The following UNC119 variants were observed in gnomAD, a reference collection of about 807,000 sequenced individuals.
The protein encoded by UNC119 is unc-119 lipid binding chaperone, also known as protein unc-119 homolog A.
In UNC119, 15 loss-of-function variants were observed where a neutral mutation model predicts 22.6. The ratio of observed to expected loss-of-function variants is 0.66; its 90% CI spans 0.44 to 1.02. The LOEUF (loss-of-function observed/expected upper bound fraction) is 1.02, where lower values mean the gene tolerates loss of function less well. UNC119 is among the 50% of genes least tolerant of loss of function. The pLI, the probability that UNC119 is intolerant of heterozygous loss-of-function variation, is 0.00. For synonymous variants in UNC119, 138 were observed against 139.4 expected, an observed-to-expected ratio of 0.99 and a Z score of 0.07; for missense variants, 322 against 336.0, an observed-to-expected ratio of 0.96 and a Z score of 0.33.
intron 2 of UNC119, 195 bp from the exon 3 acceptor site, chr17:28,548,296 G>C: frequency 1.6e-6 from 1 of 635,370 alleles, no homozygotes. Flanking sequence ...AATCGCCACT[G>C]TGCTTCCCCG....
At position 28,547,427 on chromosome 17, in the gene UNC119, C is replaced by G; in HGVS notation, c.611-18G>C. 6.2e-7 allele frequency: 1 copy of G among 1,613,670 alleles called. No homozygotes were observed. Among genetic ancestry groups the G allele is most frequent in the Non-Finnish European group, 8.5e-7 (1 of 1,179,738 alleles). On this transcript the variant is annotated intron_variant, in intron 4 of 4. Coordinates refer to ENST00000335765, the MANE Select transcript of UNC119 (RefSeq NM_005148.4). ...CTCGCTGACTGCAAGAGAGGCCCAG[C>G]CAGGCCGGGCAAAGGTCAGGAGCTT... is the stretch of plus-strand genomic sequence containing the variant.
In UNC119 at chr17:28,548,575, C is replaced by T; in HGVS notation, c.334+17G>A. The T allele has an allele frequency of 6.2e-7, 1 of 1,607,788 alleles. No individual in the cohort carries two copies. ...TCCTATCTGCCTCCCCATCAATGGC[C>T]CACCCAGCCCACTCACCTGAGACTG... On this transcript the variant is annotated intron_variant, in intron 2 of 4. Transcript: ENST00000335765.
chr17:28,552,210 G>A, intron 1 of UNC119, 128 bp downstream of exon 1: 1 of 873,594 alleles, frequency 1.1e-6, no homozygotes, highest in Non-Finnish European at 1.8e-6. Context: ...AGGGGACACA[G>A]GAGAGGGGAC....
chr17:28,547,883 C>A (rs374115959), intron 3 of UNC119, 34 bp from the exon 4 acceptor site: 6 of 1,613,002 alleles, frequency 3.7e-6, no homozygotes, highest in Non-Finnish European at 5.1e-6. Context: ...CTAAGTCTGT[C>A]CTTGAAGTCA....
chr17:28,547,027 T>C lies in UNC119; in HGVS notation c.*270A>G, dbSNP rs2070211657. ...TGGGCCCAAGTAGGGCCCAGCTAAGTTGTCCGGAAGTCCTGACTGCTCCTC... is the reference window on the plus strand; with the variant it reads ...TGGGCCCAAGTAGGGCCCAGCTAAGCTGTCCGGAAGTCCTGACTGCTCCTC... On this transcript the variant is annotated 3_prime_UTR_variant, in exon 5 of 5. Transcript: ENST00000335765. 3 of 447,524 alleles carry C rather than the reference T, an allele frequency of 6.7e-6. No individual in the cohort carries two copies. In the East Asian group the frequency reaches 1.4e-4, roughly 20 times the overall value. The allele number at this position is 447,524 out of a possible 1,614,324, so 27.7% of individuals were successfully genotyped here.
rs748275791 is a variant in UNC119 at position 28,547,695 on chromosome 17, G to T, written c.592C>A (p.Pro198Thr). ...NTCEHIYDFP[P>T]LSEELISEMI... Reference sequence around the variant, plus strand: ...CGCGCACTCAGCTCCTCGGAGAGAGGGGGGAAGTCGTAAATGTGCTCGCAG... The same window carrying T: ...CGCGCACTCAGCTCCTCGGAGAGAGTGGGGAAGTCGTAAATGTGCTCGCAG... Residue 198 changes from proline to threonine, a missense_variant, in exon 4 of 5, where the codon CCT (proline) becomes ACT (threonine). Physicochemically the swap from Pro to Thr is conservative, Grantham distance 38. Transcript: ENST00000335765. 3 of 1,614,096 alleles carry T rather than the reference G, an allele frequency of 1.9e-6. No individual in the cohort carries two copies. In the East Asian group the frequency reaches 6.7e-5, roughly 36 times the overall value.
intron 1 of UNC119, chr17:28,550,607 G>C (rs2151508930): frequency 6.6e-6 from 1 of 152,418 alleles, no homozygotes; most frequent in Non-Finnish European, 1.5e-5. Context: ...TCCTAAGCTG[G>C]ATTCAGGGCC....
At position 28,547,691 on chromosome 17, in the gene UNC119, A is replaced by T; in HGVS notation, c.596T>A (p.Leu199His). The T allele has an allele frequency of 6.2e-7, 1 of 1,614,052 alleles. No individual in the cohort carries two copies. Among genetic ancestry groups the T allele is most frequent in the South Asian group, 1.1e-5 (1 of 91,084 alleles). The stretch of plus-strand genomic sequence containing the variant: ...TGCCCGCGCACTCAGCTCCTCGGAG[A>T]GAGGGGGGAAGTCGTAAATGTGCTC... ...TCEHIYDFPPLSEELISEMIR... is the reference protein window; with the variant it reads ...TCEHIYDFPPHSEELISEMIR... The change falls in exon 4 of 5, where the codon CTC becomes CAC. Residue 199 changes from leucine (L) to histidine (H), a missense_variant. Transcript: ENST00000335765.
At chr17:28,551,082 A>T (rs2070264000) in intron 1 of UNC119, 2 of 152,170 alleles carry the variant, frequency 1.3e-5, no homozygotes, top group African/African-American at 4.8e-5. Context: ...GGAGAGAGGA[A>T]TTGGCCCCCA....
intron 1 of UNC119, chr17:28,551,265 T>A (rs2070266510): frequency 6.6e-6 from 1 of 151,826 alleles, no homozygotes; most frequent in Non-Finnish European, 1.5e-5. Context: ...CAGGGCAGGT[T>A]GCTGGTGAAT....
intron 2 of UNC119, 57 bp from the exon 3 acceptor site, chr17:28,548,158 AG>A (rs1012093064): frequency 7.2e-6 from 11 of 1,537,732 alleles, no homozygotes; most frequent in Middle Eastern, 1.7e-4. Context: ...TTGTCCACCC[AG>A]GGTTCTACCC....
intron 1 of UNC119, 97 bp from the exon 2 acceptor site, chr17:28,548,802 C>A (rs1049881570): frequency 5.1e-5 from 48 of 945,076 alleles, no homozygotes; most frequent in Non-Finnish European, 7.3e-5. Context: ...ATCTTCTCAT[C>A]CCTGGGATCA....
intron 1 of UNC119, 134 bp downstream of exon 1, chr17:28,552,204 G>GA: frequency 1.3e-6 from 1 of 789,414 alleles, no homozygotes; most frequent in Non-Finnish European, 2.0e-6. Context: ...GAGAGCAGGG[G>GA]ACACAGGAGA....
chr17:28,547,762 G>T lies in UNC119; in HGVS notation c.525C>A (p.Phe175Leu). ...HYFRNQLLKSFDFHFGFCIPS... is the reference protein window; with the variant it reads ...HYFRNQLLKSLDFHFGFCIPS... ...GGATGCAGAAGCCAAAGTGGAAGTC[G>T]AAGCTTTTGAGTAGCTGGTTGCGGA... Residue 175 changes from phenylalanine (F) to leucine (L), a missense_variant, in exon 4 of 5, where the codon TTC becomes TTA. Coordinates refer to ENST00000335765, the MANE Select transcript of UNC119 (RefSeq NM_005148.4). 1 of 1,614,224 alleles carries T rather than the reference G, an allele frequency of 6.2e-7. No individual in the cohort carries two copies. The highest frequency in any genetic ancestry group is 2.2e-5 in the East Asian group (1 of 44,888).
In UNC119 at chr17:28,552,399, C is replaced by T. The variant is rs774691935; in HGVS notation, c.159G>A (p.Pro53=). The change falls in exon 1 of 5, where the codon CCG becomes CCA. Residue 53 remains proline (P), a synonymous_variant. Coordinates refer to ENST00000335765, the MANE Select transcript of UNC119 (RefSeq NM_005148.4). The stretch of plus-strand genomic sequence containing the variant: ...GCCCGATCGGCTGCTTCCTCTGCAG[C>T]GGCCCCGGCCTGGGCCCTGGGCCTG... The part of the protein sequence containing the change: ...PDAGPGPRPG[P]LQRKQPIGPE... The T allele has an allele frequency of 3.2e-5, 49 of 1,552,190 alleles. No individual in the cohort carries two copies. The highest frequency in any genetic ancestry group is 2.3e-4 in the South Asian group (20 of 85,676).
chr17:28,547,576 G>C (rs780106266), intron 4 of UNC119, 101 bp downstream of exon 4: 1 of 1,608,494 alleles, frequency 6.2e-7, no homozygotes, highest in East Asian at 2.2e-5. Flanking sequence ...GAGCCCCAGG[G>C]TGGGGAGAAA....
chr17:28,552,459 C>G lies in UNC119; in HGVS notation c.99G>C (p.Ala33=), dbSNP rs1253435424. Residue 33 remains alanine, a synonymous_variant, in exon 1 of 5, where the codon GCG becomes GCC. Transcript: ENST00000335765. The part of the protein sequence containing the change: ...QSVAPIPQPP[A]ESESGSESEP... Reference sequence around the variant, plus strand: ...CCGACTCGGACCCAGATTCGGATTCCGCAGGCGGCTGTGGTATGGGGGCCA... The same window carrying G: ...CCGACTCGGACCCAGATTCGGATTCGGCAGGCGGCTGTGGTATGGGGGCCA... 1.3e-6 allele frequency: 2 copies of G among 1,577,928 alleles called. No individual in the cohort carries two copies.
chr17:28,549,208 A>G (rs1314748699), intron 1 of UNC119: 2 of 164,168 alleles, frequency 1.2e-5, no homozygotes, highest in African/African-American at 4.8e-5. Context: ...AGGGGGCCAC[A>G]CAGCTCTGTC....
chr17:28,552,430 G>C lies in UNC119; in HGVS notation c.128C>G (p.Pro43Arg), dbSNP rs1338211047. The C allele has an allele frequency of 1.9e-6, 3 of 1,565,718 alleles. No individual in the cohort carries two copies. The African/African-American group carries it at 4.1e-5, about 21-fold the overall frequency. ...AESESGSESE[P>R]DAGPGPRPGP... Reference sequence around the variant, plus strand: ...CGGCCTGGGCCCTGGGCCTGCGTCCGGCTCCGACTCGGACCCAGATTCGGA... The same window carrying C: ...CGGCCTGGGCCCTGGGCCTGCGTCCCGCTCCGACTCGGACCCAGATTCGGA... The change falls in exon 1 of 5, where the codon CCG (proline) becomes CGG (arginine). Residue 43 changes from proline to arginine, a missense_variant. Coordinates refer to ENST00000335765, the MANE Select transcript of UNC119 (RefSeq NM_005148.4).
Sources: gnomAD v4.1 joint callset for allele counts on GRCh38, gnomAD v4.1.1 for gene constraint, MANE v1.5 for transcripts, NCBI Gene and HGNC (gene_info 2026-07-23, HGNC 2026-07-21) for gene names.